The following KMT2B variants were observed in gnomAD, a reference collection of about 807,000 sequenced individuals.
The protein encoded by KMT2B is histone-lysine N-methyltransferase 2B.
KMT2B carries 22 observed loss-of-function variants against 255.3 expected under a neutral mutation model. The ratio of observed to expected loss-of-function variants is 0.09; its 90% CI spans 0.06 to 0.12. The LOEUF (loss-of-function observed/expected upper bound fraction) is 0.12. KMT2B is among the 10% of genes least tolerant of loss of function. The pLI, the probability that KMT2B is intolerant of heterozygous loss-of-function variation, is 1.00. For missense variants in KMT2B, 3,149 were observed against 3,737.0 expected (o/e 0.84, Z 4.10); for synonymous variants, 1,730 against 1,498.1 (o/e 1.15, Z -3.57).
rs754258715 is a variant in KMT2B at position 35,733,024 on chromosome 19, C to G, written c.6475C>G (p.Pro2159Ala). 8.2e-6 allele frequency: 13 copies of G among 1,592,484 alleles called. No individual in the cohort carries two copies. The highest frequency in any genetic ancestry group is 5.1e-6 in the Non-Finnish European group (6 of 1,169,830). The part of the protein sequence containing the change: ...SQGLTASPAD[P>A]TRTFAWLPGA... ...AGGCCTGACCGCCAGCCCAGCTGAC[C>G]CCACCCGCACATTTGCCTGGCTCCC... The change falls in exon 28 of 37, where the codon CCC (proline) becomes GCC (alanine). Residue 2159 changes from proline (P) to alanine (A), a missense_variant. Transcript: ENST00000420124. The surrounding 1 kb of genome is among the most constrained non-coding windows in gnomAD (Gnocchi z 4.3).
In KMT2B at chr19:35,727,873, C is replaced by T. The variant is rs754980069; in HGVS notation, c.4393-8C>T. 1.9e-6 allele frequency: 3 copies of T among 1,609,428 alleles called. No homozygotes were observed. The East Asian group carries it at 6.7e-5, about 36-fold the overall frequency. On this transcript the variant is annotated splice_polypyrimidine_tract_variant and splice_region_variant and intron_variant, in intron 17 of 36. Transcript: ENST00000420124. The surrounding 1 kb of genome is among the most constrained non-coding windows in gnomAD (Gnocchi z 4.2). Reference sequence around the variant, plus strand: ...AGGGGACTCAGTCTCTGACAAACCCCCTTACAGCACAGCTTCATGGAGGAC... The same window carrying T: ...AGGGGACTCAGTCTCTGACAAACCCTCTTACAGCACAGCTTCATGGAGGAC...
At chr19:35,722,523 TGC>T in intron 4 of KMT2B, 43 bp from the exon 5 acceptor site, 2 of 1,592,942 alleles carry the variant, frequency 1.3e-6, no homozygotes, top group Non-Finnish European at 1.7e-6. Context: ...GGAGTGGGGC[TGC>T]GGGAGCGCAA....
At position 35,723,570 on chromosome 19, in the gene KMT2B, TTTC is replaced by T; in HGVS notation, c.3058+71_3058+73del. 1 of 1,441,696 alleles carries T rather than the reference TTTC, an allele frequency of 6.9e-7. No homozygotes were observed. The highest frequency in any genetic ancestry group is 9.4e-7 in the Non-Finnish European group (1 of 1,062,920). 89.3% of individuals were successfully genotyped at this position (1,441,696 alleles called of 1,614,324 possible). On this transcript the variant is annotated intron_variant, in intron 7 of 36. Coordinates refer to ENST00000420124, the MANE Select transcript of KMT2B (RefSeq NM_014727.3). The surrounding 1 kb of genome is among the most constrained non-coding windows in gnomAD (Gnocchi z 7.5). ...AGTTTGTGCTGTGGAGGGAGCTGTT[TTTC>T]TTTGCTCTCCTCCCTTGCAGCTCAC...
In KMT2B at chr19:35,727,086, C is replaced by G; in HGVS notation, c.4004-70C>G. ...GGAGGCAGCTAAGGTACTGCTAATCCTTGAACAGAGACACTCAGGGCTGAG... is the reference window on the plus strand; with the variant it reads ...GGAGGCAGCTAAGGTACTGCTAATCGTTGAACAGAGACACTCAGGGCTGAG... On this transcript the variant is annotated intron_variant, in intron 14 of 36. Coordinates refer to ENST00000420124, the MANE Select transcript of KMT2B (RefSeq NM_014727.3). This position sits in a 1 kb window ranked among gnomAD's most constrained non-coding sequence, Gnocchi z 4.2. 8.8e-7 allele frequency: 1 copy of G among 1,136,584 alleles called. No individual in the cohort carries two copies. The highest frequency in any genetic ancestry group is 1.3e-6 in the Non-Finnish European group (1 of 776,658). 70.4% of individuals were successfully genotyped at this position (1,136,584 alleles called of 1,614,324 possible). A position where few individuals can be genotyped will look rare whatever the true frequency, so the allele number is the denominator to read the frequency against.
At chr19:35,724,828 G>A in intron 9 of KMT2B, 97 bp downstream of exon 9, 2 of 1,228,330 alleles carry the variant, frequency 1.6e-6, no homozygotes, top group Non-Finnish European at 2.3e-6. Context: ...GTCCACATGA[G>A]AGGACAGGCC....
chr19:35,726,166 C>T (rs1474240242), intron 13 of KMT2B, 70 bp from the exon 14 acceptor site: 18 of 1,170,220 alleles, frequency 1.5e-5, no homozygotes, highest in East Asian at 5.0e-5. Flanking sequence ...AATTCCTCCT[C>T]GCCCGTCTCC....
chr19:35,725,592 C>T lies in KMT2B; in HGVS notation c.3756C>T (p.Cys1252=), dbSNP rs756900954. 2 of 1,610,330 alleles carry T rather than the reference C, an allele frequency of 1.2e-6. No individual in the cohort carries two copies. The highest frequency in any genetic ancestry group is 2.2e-5 in the South Asian group (2 of 91,090). The stretch of plus-strand genomic sequence containing the variant: ...GGTGCTGCCGTCGCTGCAAATTCTG[C>T]CACGTCTGTGGACGCAAAGGTCGTG... ...DTWCCRRCKF[C]HVCGRKGRGS... Residue 1252 remains cysteine, a synonymous_variant, in exon 12 of 37, where the codon TGC becomes TGT. Coordinates refer to ENST00000420124, the MANE Select transcript of KMT2B (RefSeq NM_014727.3). This position sits in a 1 kb window ranked among gnomAD's most constrained non-coding sequence, Gnocchi z 4.1.
At position 35,727,941 on chromosome 19, in the gene KMT2B, C is replaced by T. The variant is rs1407836135; in HGVS notation, c.4453C>T (p.Pro1485Ser). 6.3e-7 allele frequency: 1 copy of T among 1,591,002 alleles called. No individual in the cohort carries two copies. Among genetic ancestry groups the T allele is most frequent in the Admixed American group, 1.7e-5 (1 of 57,496 alleles). ...GCGGCACTCGGAGGAGGGAGAGACC[C>T]CGGACCGCCGGGCTGGAGGCCAGAT... Reference protein sequence around the residue: ...LMRHSEEGETPDRRAGGQMKG... With the variant: ...LMRHSEEGETSDRRAGGQMKG... The change falls in exon 18 of 37, where the codon CCG becomes TCG. Residue 1485 changes from proline (P) to serine (S), a missense_variant. Pro to Ser is a moderately conservative substitution (Grantham distance 74). Coordinates refer to ENST00000420124, the MANE Select transcript of KMT2B (RefSeq NM_014727.3). This position sits in a 1 kb window ranked among gnomAD's most constrained non-coding sequence, Gnocchi z 4.2.
At chr19:35,726,454 C>T (rs576071898) in intron 14 of KMT2B, 101 bp downstream of exon 14, 11 of 782,760 alleles carry the variant, frequency 1.4e-5, no homozygotes, top group African/African-American at 8.5e-5. Flanking sequence ...TGGCTTTCCA[C>T]CTTGTAGCTA....
Position 35,721,406 on chromosome 19 carries a change from T to C in KMT2B, c.2059T>C (p.Ser687Pro). Residue 687 changes from serine (S) to proline (P), a missense_variant, in exon 3 of 37, where the codon TCT becomes CCT. Coordinates refer to ENST00000420124, the MANE Select transcript of KMT2B (RefSeq NM_014727.3). ...PEPEPPPADD[S>P]PAEPEPRAVG... ...GCCAGAGCCTCCTCCTGCCGATGAC[T>C]CTCCAGCTGAGCCTGAGCCTCGGGC... 1 of 1,610,596 alleles carries C rather than the reference T, an allele frequency of 6.2e-7. No individual in the cohort carries two copies. Among genetic ancestry groups the C allele is most frequent in the South Asian group, 1.1e-5 (1 of 90,680 alleles).
chr19:35,727,589 C>T lies in KMT2B; in HGVS notation c.4269C>T (p.Ser1423=). 6.2e-7 allele frequency: 1 copy of T among 1,606,218 alleles called. No homozygotes were observed. The highest frequency in any genetic ancestry group is 1.1e-5 in the South Asian group (1 of 90,852). The change falls in exon 16 of 37, where the codon TCC becomes TCT. Residue 1423 remains serine (S), a synonymous_variant. Coordinates refer to ENST00000420124, the MANE Select transcript of KMT2B (RefSeq NM_014727.3). The surrounding 1 kb of genome is among the most constrained non-coding windows in gnomAD (Gnocchi z 4.2). ...AGGTGCTCCAGGGCCTGCTGAGCTC[C>T]AAGGTGGTGGGCCCACTGCTGCTCT... ...LRQVLQGLLS[S]KVVGPLLLCT...
intron 1 of KMT2B, 142 bp from the exon 2 acceptor site, chr19:35,719,327 G>C (rs1969087243): frequency 3.1e-6 from 2 of 650,212 alleles, no homozygotes; most frequent in East Asian, 5.6e-5. Context: ...CACTACCCGC[G>C]ACCTTTGAGT....
In KMT2B at chr19:35,720,337, T is replaced by G; in HGVS notation, c.990T>G (p.Gly330=). The G allele has an allele frequency of 6.2e-7, 1 of 1,611,670 alleles. No individual in the cohort carries two copies. Among genetic ancestry groups the G allele is most frequent in the Non-Finnish European group, 8.5e-7 (1 of 1,178,986 alleles). Residue 330 remains glycine (G), a synonymous_variant, in exon 3 of 37, where the codon GGT becomes GGG. Coordinates refer to ENST00000420124, the MANE Select transcript of KMT2B (RefSeq NM_014727.3). Reference sequence around the variant, plus strand: ...GACTCGAATCAGGTCAAGGTCAAGGTCAACATGAGGAAAGTTGGCAGGATG... The same window carrying G: ...GACTCGAATCAGGTCAAGGTCAAGGGCAACATGAGGAAAGTTGGCAGGATG... The part of the protein sequence containing the change: ...SLGLESGQGQ[G]QHEESWQDVP...
chr19:35,726,273 C>T lies in KMT2B; in HGVS notation c.3923C>T (p.Ala1308Val), dbSNP rs1969438187. The change falls in exon 14 of 37, where the codon GCA (alanine) becomes GTA (valine). Residue 1308 changes from alanine to valine, a missense_variant. Ala to Val is a moderately conservative substitution (Grantham distance 64). This residue lies in a region of KMT2B where 377 missense variants were observed against 471.0 expected (regional missense o/e 0.80). Transcript: ENST00000420124. Reference sequence around the variant, plus strand: ...TGTGTGCGCTGTAAGAGCTGTGGGGCAACTCCAGGCAAGAACTGGGACGTC... The same window carrying T: ...TGTGTGCGCTGTAAGAGCTGTGGGGTAACTCCAGGCAAGAACTGGGACGTC... ...SACVRCKSCG[A>V]TPGKNWDVEW... is the part of the protein sequence containing the mutation. 2 of 1,613,746 alleles carry T rather than the reference C, an allele frequency of 1.2e-6. No individual in the cohort carries two copies. Among genetic ancestry groups the T allele is most frequent in the African/African-American group, 1.3e-5 (1 of 74,922 alleles).
chr19:35,721,240 C>T lies in KMT2B; in HGVS notation c.1893C>T (p.Pro631=). The change falls in exon 3 of 37, where the codon CCC becomes CCT. Residue 631 remains proline, a synonymous_variant. Coordinates refer to ENST00000420124, the MANE Select transcript of KMT2B (RefSeq NM_014727.3). ...PPPAPPPPPA[P]SPPPAPATSS... is the part of the protein sequence containing the mutation. The stretch of plus-strand genomic sequence containing the variant: ...CAGCCCCTCCACCTCCCCCGGCCCC[C>T]TCCCCACCCCCTGCTCCTGCCACCT... 2 of 1,503,530 alleles carry T rather than the reference C, an allele frequency of 1.3e-6. No homozygotes were observed. The highest frequency in any genetic ancestry group is 1.8e-6 in the Non-Finnish European group (2 of 1,117,292). The allele number at this position is 1,503,530 out of a possible 1,614,324, so 93.1% of individuals were successfully genotyped here.
In KMT2B at chr19:35,732,847, G is replaced by A; in HGVS notation, c.6298G>A (p.Gly2100Arg). 6.2e-7 allele frequency: 1 copy of A among 1,609,168 alleles called. No individual in the cohort carries two copies. Among genetic ancestry groups the A allele is most frequent in the Admixed American group, 1.7e-5 (1 of 59,508 alleles). ...VVRAGVLGAA[G>R]DRARPPEDLP... ...CCGGGCAGGGGTCCTTGGGGCTGCAGGGGACAGGGCCCGGCCTCCTGAGGA... is the reference window on the plus strand; with the variant it reads ...CCGGGCAGGGGTCCTTGGGGCTGCAAGGGACAGGGCCCGGCCTCCTGAGGA... Residue 2100 changes from glycine (G) to arginine (R), a missense_variant, in exon 28 of 37, where the codon GGG becomes AGG. By Grantham distance (125) the Gly-to-Arg change is moderately radical. Transcript: ENST00000420124.
Position 35,732,474 on chromosome 19 carries a change from A to T in KMT2B, c.5925A>T (p.Pro1975=). Residue 1975 remains proline (P), a synonymous_variant, in exon 28 of 37, where the codon CCA becomes CCT. Coordinates refer to ENST00000420124, the MANE Select transcript of KMT2B (RefSeq NM_014727.3). Reference sequence around the variant, plus strand: ...CACCACCCCCTGAAGACCTGGGCCCAGACTTCGAGGACATGGAGGTGGTGT... The same window carrying T: ...CACCACCCCCTGAAGACCTGGGCCCTGACTTCGAGGACATGGAGGTGGTGT... ...PSPPPPEDLG[P]DFEDMEVVSG... is the part of the protein sequence containing the mutation. The T allele has an allele frequency of 6.2e-7, 1 of 1,613,808 alleles. No individual in the cohort carries two copies. Among genetic ancestry groups the T allele is most frequent in the Non-Finnish European group, 8.5e-7 (1 of 1,179,814 alleles).
chr19:35,727,658 T>C lies in KMT2B; in HGVS notation c.4302+36T>C, dbSNP rs201371643. On this transcript the variant is annotated intron_variant, in intron 16 of 36. Coordinates refer to ENST00000420124, the MANE Select transcript of KMT2B (RefSeq NM_014727.3). The surrounding 1 kb of genome is among the most constrained non-coding windows in gnomAD (Gnocchi z 4.2). ...CCCTGGAGGCAGGATGGGCCGGGGC[T>C]AGGCCCACCCCCAGCCCTGCTAACT... 5 of 1,612,702 alleles carry C rather than the reference T, an allele frequency of 3.1e-6. No homozygotes were observed. In the African/African-American group the frequency reaches 4.0e-5, roughly 13 times the overall value.
At position 35,721,553 on chromosome 19, in the gene KMT2B, C is replaced by A. The variant is rs1176435850; in HGVS notation, c.2206C>A (p.Gln736Lys). 16 of 1,611,656 alleles carry A rather than the reference C, an allele frequency of 9.9e-6. No individual in the cohort carries two copies. The highest frequency in any genetic ancestry group is 1.3e-5 in the Non-Finnish European group (15 of 1,179,874). The stretch of plus-strand genomic sequence containing the variant: ...GAGCAACGGGCCACAGACACAGGCT[C>A]AGCTACTGCAGCCCCTGCAGGCCTT... The part of the protein sequence containing the change: ...ALSNGPQTQA[Q>K]LLQPLQALQT... Residue 736 changes from glutamine to lysine, a missense_variant, in exon 3 of 37, where the codon CAG (glutamine) becomes AAG (lysine). By Grantham distance (53) the Gln-to-Lys change is moderately conservative. Around this residue, in one of 18 missense-constraint regions of KMT2B, gnomAD observed 1,188 missense variants for 1,106.4 expected, o/e 1.07. Transcript: ENST00000420124.
Sources: allele counts gnomAD v4.1 joint callset, GRCh38; gene constraint gnomAD v4.1.1; regional missense constraint gnomAD v4.1.1; non-coding constraint Gnocchi (gnomAD v3.1); transcripts MANE v1.5; gene names NCBI Gene and HGNC (gene_info 2026-07-23, HGNC 2026-07-21).